CTNNA3: variants seen among roughly 807,000 people sequenced by gnomAD.
CTNNA3 encodes catenin alpha 3, also known as catenin alpha-3.
CTNNA3 carries 76 observed loss-of-function variants against 95.7 expected under a neutral mutation model. That is an observed-to-expected ratio of 0.79 (90% CI 0.66 to 0.96). The LOEUF (loss-of-function observed/expected upper bound fraction) is 0.96. Among genes scored for constraint, CTNNA3 ranks in the 40% least tolerant of loss-of-function variants. The pLI, the probability that CTNNA3 is intolerant of heterozygous loss-of-function variation, is 0.00. For missense variants in CTNNA3, 1,191 were observed against 1,089.8 expected (o/e 1.09, Z -1.31); for synonymous variants, 431 against 374.4 (o/e 1.15, Z -1.74).
At chr10:67,131,700 A>G (rs1336580117) in intron 7 of CTNNA3, among the ~76,000 whole-genome samples, 1 of 152,116 alleles carries the variant, frequency 6.6e-6, no homozygotes, top group Non-Finnish European at 1.5e-5. Flanking sequence ...GAGGTGCTCA[A>G]AAATTATTTA....
intron 5 of CTNNA3, among the ~76,000 whole-genome samples, chr10:67,329,136 C>G (rs976887647): frequency 2.0e-5 from 3 of 152,060 alleles, no homozygotes; most frequent in African/African-American, 7.2e-5. Context: ...TTTTGGGAGA[C>G]CAAGGTGGGT....
chr10:67,440,980 G>A (rs554332512), intron 5 of CTNNA3, among the ~76,000 whole-genome samples: 8 of 151,922 alleles, frequency 5.3e-5, no homozygotes, highest in South Asian at 2.1e-4. Context: ...CAATACTGGC[G>A]ACACAGAGAT....
Position 66,103,220 on chromosome 10 carries a change from G to T in CTNNA3, c.1914C>A (p.Asp638Glu), listed in dbSNP as rs954219089. 2 of 1,613,920 alleles carry T rather than the reference G, an allele frequency of 1.2e-6. No homozygotes were observed. Among genetic ancestry groups the T allele is most frequent in the Non-Finnish European group, 1.7e-6 (2 of 1,179,948 alleles). The change falls in exon 14 of 18, where the codon GAC becomes GAA. Residue 638 changes from aspartate (D) to glutamate (E), a missense_variant. Transcript: ENST00000433211. ...TGCGGACCTCGTGTTCCTCTTCAAG[G>T]TCAGAAACATCCTCCAGTTCCTCTG... ...RTPEELEDVS[D>E]LEEEHEVRSH...
intron 7 of CTNNA3, among the ~76,000 whole-genome samples, chr10:67,135,351 C>T (rs77190736): frequency 0.057 from 8,606 of 152,130 alleles, 360 homozygotes; most frequent in South Asian, 0.2. Flanking sequence ...TGTGTCACAA[C>T]AGACCTGACC....
chr10:67,180,359 A>C lies in CTNNA3; in HGVS notation c.1005T>G (p.Ile335Met), dbSNP rs1237341384. ...RERIIAECNA[I>M]RQALQDLLSE... ...AAAGCAGATCCTGAAGAGCCTGGCG[A>C]ATGGCGTTGCATTCTGCGATAATCC... Residue 335 changes from isoleucine to methionine, a missense_variant, in exon 7 of 18, where the codon ATT becomes ATG. By Grantham distance (10) the Ile-to-Met change is conservative. Coordinates refer to ENST00000433211, the MANE Select transcript of CTNNA3 (RefSeq NM_013266.4). The C allele has an allele frequency of 6.2e-7, 1 of 1,613,742 alleles. No individual in the cohort carries two copies. The highest frequency in any genetic ancestry group is 1.1e-5 in the South Asian group (1 of 91,076).
chr10:67,551,965 G>A (rs995909009), intron 3 of CTNNA3, among the ~76,000 whole-genome samples: 1 of 152,142 alleles, frequency 6.6e-6, no homozygotes, highest in African/African-American at 2.4e-5. Context: ...GAAAAATTTT[G>A]GAATAGAAGG....
intron 10 of CTNNA3, among the ~76,000 whole-genome samples, chr10:66,571,373 C>A (rs1286655482): frequency 6.6e-6 from 1 of 152,122 alleles, no homozygotes; most frequent in Admixed American, 6.6e-5. Flanking sequence ...CAAGCTAAAC[C>A]CATACTTTCA....
chr10:66,348,553 G>T (rs932397782), intron 12 of CTNNA3, among the ~76,000 whole-genome samples: 1 of 152,036 alleles, frequency 6.6e-6, no homozygotes, highest in Non-Finnish European at 1.5e-5. Context: ...CAAAAAAGTT[G>T]AATATCAGTC....
At position 67,492,367 on chromosome 10, in the gene CTNNA3, AT is replaced by A. The variant is rs1392402882; in HGVS notation, c.579+29474del. 2.0e-5 allele frequency among the ~76,000 whole-genome samples: 3 copies of A among 152,088 alleles called. No homozygotes were observed. The East Asian group carries it at 5.8e-4, about 29-fold the overall frequency. ...TTGTGCAAGTGAAAGGCAGAAATAG[AT>A]TACTGAGAAGTGAAAAGTCAAGTTA... On this transcript the variant is annotated intron_variant, in intron 5 of 17. Coordinates refer to ENST00000433211, the MANE Select transcript of CTNNA3 (RefSeq NM_013266.4).
chr10:66,724,179 T>C (rs1172118692), intron 9 of CTNNA3, among the ~76,000 whole-genome samples: 3 of 152,288 alleles, frequency 2.0e-5, no homozygotes, highest in East Asian at 1.9e-4. Flanking sequence ...AGGGAGCCCA[T>C]GTTTGCTATT....
At chr10:66,148,296 G>A (rs2084002507) in intron 13 of CTNNA3, among the ~76,000 whole-genome samples, 1 of 151,800 alleles carries the variant, frequency 6.6e-6, no homozygotes, top group Admixed American at 6.6e-5. Context: ...ACCAGTCCTG[G>A]CTTGTTTAAG....
chr10:66,224,791 A>G (rs1201925106), intron 13 of CTNNA3, among the ~76,000 whole-genome samples: 2 of 152,164 alleles, frequency 1.3e-5, no homozygotes, highest in Non-Finnish European at 2.9e-5. Context: ...AAATGGCATT[A>G]TACACTAAAA....
At chr10:66,280,782 A>T (rs778322726) in intron 12 of CTNNA3, among the ~76,000 whole-genome samples, 161 bp from the exon 13 acceptor site, 16 of 152,006 alleles carry the variant, frequency 1.1e-4, no homozygotes, top group Non-Finnish European at 2.4e-4. Flanking sequence ...TAGCAGGATT[A>T]TCTTGAATCT....
intron 13 of CTNNA3, among the ~76,000 whole-genome samples, chr10:66,119,425 G>A (rs774608607): frequency 1.1e-4 from 17 of 152,102 alleles, no homozygotes; most frequent in Non-Finnish European, 2.1e-4. Context: ...TCACTCTAAT[G>A]TTTACAAATT....
chr10:67,255,380 C>G (rs868396563), intron 5 of CTNNA3, among the ~76,000 whole-genome samples: 43 of 151,928 alleles, frequency 2.8e-4, no homozygotes, highest in African/African-American at 8.9e-4. Context: ...CTCCAAAATT[C>G]TCTAATTGTA....
intron 7 of CTNNA3, among the ~76,000 whole-genome samples, chr10:66,802,675 C>T (rs1841475495): frequency 6.7e-6 from 1 of 149,672 alleles, no homozygotes; most frequent in South Asian, 2.1e-4. Flanking sequence ...AAGAATTGTA[C>T]AAAAATATTC....
chr10:66,534,250 T>C (rs1841570643), intron 10 of CTNNA3, among the ~76,000 whole-genome samples: 1 of 152,098 alleles, frequency 6.6e-6, no homozygotes. Flanking sequence ...AAAATAAGAA[T>C]GAATTCAAGC....
chr10:66,483,366 C>A, intron 11 of CTNNA3, among the ~76,000 whole-genome samples: 1 of 150,780 alleles, frequency 6.6e-6, no homozygotes, highest in Non-Finnish European at 1.5e-5. Flanking sequence ...GAAAACTTGG[C>A]TTTTTTTTTA....
At chr10:66,269,421 T>A (rs1010528427) in intron 13 of CTNNA3, among the ~76,000 whole-genome samples, 1 of 152,188 alleles carries the variant, frequency 6.6e-6, no homozygotes, top group Non-Finnish European at 1.5e-5. Flanking sequence ...AAAGAAGATA[T>A]ATAAAAATCC....
Sources: allele counts gnomAD v4.1 joint callset (sites outside exome capture counted in the v4.1 genomes callset), GRCh38; gene constraint gnomAD v4.1.1; transcripts MANE v1.5; gene names NCBI Gene and HGNC (gene_info 2026-07-23, HGNC 2026-07-21).